The following HERC4 variants were observed in gnomAD, a reference collection of about 807,000 sequenced individuals.
HERC4 encodes HECT and RLD domain containing E3 ubiquitin protein ligase 4.
Under a neutral mutation model 124.3 loss-of-function variants are expected in HERC4, and 28 were observed. The observed-to-expected ratio is 0.23, with a 90% CI of 0.17 to 0.31. The LOEUF is 0.31. HERC4 is among the 10% of genes least tolerant of loss of function. HERC4 has a pLI of 1.00. For synonymous variants in HERC4, 407 were observed against 421.5 expected (o/e 0.97, Z 0.42); for missense variants, 713 against 1,229.3 (o/e 0.58, Z 6.28).
chr10:67,928,689 G>A (rs1013246283), intron 23 of HERC4, among the ~76,000 whole-genome samples: 2 of 152,082 alleles, frequency 1.3e-5, no homozygotes, highest in Middle Eastern at 3.2e-3. Flanking sequence ...TTGGGAGGCC[G>A]AGGCGAGTGG....
intron 3 of HERC4, among the ~76,000 whole-genome samples, chr10:68,064,999 ATACT>A (rs1264257747): frequency 6.6e-5 from 10 of 152,068 alleles, no homozygotes; most frequent in Non-Finnish European, 1.5e-4. Context: ...AAAAAATAGA[ATACT>A]TAAATAAATT....
Position 67,925,599 on chromosome 10 carries a change from T to C in HERC4, c.2839-412A>G, listed in dbSNP as rs1013438496. Among the ~76,000 whole-genome samples, 116 of 152,250 alleles carry C rather than the reference T, an allele frequency of 7.6e-4. 1 individual carries two copies. Among genetic ancestry groups the C allele is most frequent in the African/African-American group, 2.7e-3 (112 of 41,552 alleles). ...TATGGTACTAAGCAACACTAAAAAT[T>C]TTCTGAGGTAGTTTCCAAGATGGCC... On this transcript the variant is annotated intron_variant, in intron 23 of 24. Coordinates refer to ENST00000373700, the MANE Select transcript of HERC4 (RefSeq NM_015601.4).
intron 15 of HERC4, among the ~76,000 whole-genome samples, chr10:67,979,717 G>A (rs2035812347): frequency 6.6e-6 from 1 of 151,972 alleles, no homozygotes; most frequent in African/African-American, 2.4e-5. Context: ...ACAAGAGCTG[G>A]GCGCAGTAGC....
chr10:68,027,758 A>T (rs2038978626), intron 7 of HERC4, among the ~76,000 whole-genome samples: 1 of 151,926 alleles, frequency 6.6e-6, no homozygotes, highest in Admixed American at 6.6e-5. Flanking sequence ...CTTCGTCTCT[A>T]CTAAAAATAC....
chr10:67,984,983 G>A (rs1372118587), intron 15 of HERC4, among the ~76,000 whole-genome samples: 1 of 151,928 alleles, frequency 6.6e-6, no homozygotes, highest in Non-Finnish European at 1.5e-5. Flanking sequence ...TTAAAGAAAC[G>A]CAACCAGTGT....
chr10:68,004,404 A>T (rs1398531311), intron 9 of HERC4, among the ~76,000 whole-genome samples: 2 of 152,000 alleles, frequency 1.3e-5, no homozygotes, highest in East Asian at 3.9e-4. Context: ...ATTTGATGTG[A>T]TCCCATTTGT....
intron 7 of HERC4, among the ~76,000 whole-genome samples, chr10:68,030,793 C>T (rs1422595287): frequency 6.6e-6 from 1 of 152,126 alleles, no homozygotes; most frequent in African/African-American, 2.4e-5. Flanking sequence ...TTACAGAATA[C>T]ATCTGCAAAT....
intron 4 of HERC4, among the ~76,000 whole-genome samples, chr10:68,043,413 T>C (rs965642458): frequency 5.3e-5 from 8 of 152,254 alleles, no homozygotes; most frequent in Non-Finnish European, 1.0e-4. Flanking sequence ...TGTGTAAATT[T>C]TAAAACTAAG....
chr10:67,958,580 A>C (rs2034293621), intron 16 of HERC4, among the ~76,000 whole-genome samples: 1 of 152,208 alleles, frequency 6.6e-6, no homozygotes, highest in African/African-American at 2.4e-5. Flanking sequence ...TAATGTTCCC[A>C]AGTGTTAAAA....
chr10:67,925,039 T>A (rs1050717434), intron 24 of HERC4, 46 bp downstream of exon 24: 1 of 1,075,276 alleles, frequency 9.3e-7, no homozygotes, highest in Non-Finnish European at 1.4e-6. Flanking sequence ...AATACTATAA[T>A]TAGATTCCAG....
chr10:68,071,481 T>G (rs1292800883), intron 3 of HERC4, among the ~76,000 whole-genome samples: 1 of 152,230 alleles, frequency 6.6e-6, no homozygotes, highest in Non-Finnish European at 1.5e-5. Flanking sequence ...TTCAGTTATT[T>G]CTATGGGGCA....
chr10:67,955,923 C>T (rs367718555), intron 17 of HERC4: 4 of 152,072 alleles, frequency 2.6e-5, no homozygotes, highest in East Asian at 1.9e-4. Context: ...TATGGTTCTC[C>T]CTGAGTTCTT....
chr10:67,996,179 T>G, intron 9 of HERC4: 1 of 444,138 alleles, frequency 2.3e-6, no homozygotes, highest in South Asian at 1.6e-5. Flanking sequence ...TGGTGGCGCA[T>G]GCCTGTAGTC....
chr10:68,039,706 A>C, intron 4 of HERC4: 1 of 1,352,620 alleles, frequency 7.4e-7, no homozygotes, highest in East Asian at 2.9e-5. Flanking sequence ...TAGCAAAATC[A>C]AACACTGGCA....
At chr10:67,923,980 T>C (rs766867003) in intron 24 of HERC4, among the ~76,000 whole-genome samples, 5 of 151,956 alleles carry the variant, frequency 3.3e-5, no homozygotes, top group Non-Finnish European at 7.4e-5. Context: ...CAGTTATAAA[T>C]GAGGGAACTA....
In HERC4 at chr10:68,022,669, C is replaced by T. The variant is rs1364241205; in HGVS notation, c.908+2877G>A. 2.6e-5 allele frequency among the ~76,000 whole-genome samples: 4 copies of T among 151,736 alleles called. No individual in the cohort carries two copies. The East Asian group carries it at 5.8e-4, about 22-fold the overall frequency. On this transcript the variant is annotated intron_variant, in intron 8 of 24. Transcript: ENST00000373700. ...TTAGATATGACACCAAATGCATAGC[C>T]AACAAAAGAAAAAATAAACAAACTG...
At position 67,990,915 on chromosome 10, in the gene HERC4, T is replaced by G; in HGVS notation, c.1432A>C (p.Ile478Leu). The G allele has an allele frequency of 6.3e-7, 1 of 1,592,212 alleles. No individual in the cohort carries two copies. The highest frequency in any genetic ancestry group is 8.6e-7 in the Non-Finnish European group (1 of 1,166,618). ...CTTTAAAAACAGACCTGCTGAGATA[T>G]CTGCGGATGATCAGGTTGTATAAGT... is the stretch of plus-strand genomic sequence containing the variant. The part of the protein sequence containing the change: ...HKLIQPDHPQ[I>L]SQQVAASLEK... The change falls in exon 13 of 25, where the codon ATA (isoleucine) becomes CTA (leucine). Residue 478 changes from isoleucine to leucine, a missense_variant. Physicochemically the swap from Ile to Leu is conservative, Grantham distance 5. Transcript: ENST00000373700.
intron 8 of HERC4, 38 bp downstream of exon 8, chr10:68,025,508 G>A (rs1441702785): frequency 4.4e-6 from 7 of 1,587,478 alleles, no homozygotes; most frequent in Non-Finnish European, 6.0e-6. Context: ...AACAACTGCA[G>A]TTTAGAGACC....
intron 9 of HERC4, among the ~76,000 whole-genome samples, chr10:67,996,294 T>A (rs1178695534): frequency 1.7e-5 from 2 of 115,126 alleles, no homozygotes; most frequent in African/African-American, 6.5e-5. Context: ...CAGGGAAAAT[T>A]TTGAAGACCT....
Sources: gnomAD v4.1 joint callset for allele counts (sites outside exome capture counted in the v4.1 genomes callset) on GRCh38, gnomAD v4.1.1 for gene constraint, MANE v1.5 for transcripts, NCBI Gene and HGNC (gene_info 2026-07-23, HGNC 2026-07-21) for gene names.